Variants in JDP2 observed in about 807,000 individuals in gnomAD.
JDP2 encodes Jun dimerization protein 2.
In JDP2, 9 loss-of-function variants were observed where a neutral mutation model predicts 17.1. The ratio of observed to expected loss-of-function variants is 0.53; its 90% CI spans 0.32 to 0.92. The LOEUF (loss-of-function observed/expected upper bound fraction) is 0.92. JDP2 is among the 40% of genes least tolerant of loss of function. JDP2 has a pLI of 0.04. For missense variants in JDP2, 179 were observed against 220.0 expected (o/e 0.81, Z 1.18); for synonymous variants, 107 against 95.6 (o/e 1.12, Z -0.69).
chr14:75,441,144 A>AGAGAGAGC (rs1054103190), intron 2 of JDP2, among the ~76,000 whole-genome samples: 2 of 151,946 alleles, frequency 1.3e-5, no homozygotes, highest in African/African-American at 2.4e-5. Context: ...GGAGAGAGAG[A>AGAGAGAGC]GAGAGAGCGA....
chr14:75,437,172 CAAAA>C (rs11302124), intron 1 of JDP2, among the ~76,000 whole-genome samples: 15 of 97,978 alleles, frequency 1.5e-4, no homozygotes, highest in Non-Finnish European at 1.9e-4. Context: ...CCAGCCTGGG[CAAAA>C]AAAAAAAAAA....
rs1886776499 is a variant in JDP2, at chr14:75,470,445, TCTTA to T, written c.*976_*979del. On this transcript the variant is annotated 3_prime_UTR_variant, in exon 4 of 4. Coordinates refer to ENST00000651602, the MANE Select transcript of JDP2 (RefSeq NM_001135048.2). ...TCCTGTATCGCTCAGTAAACATTGC[TCTTA>T]CTTACATAGCCGCCTTGCGTGGTGT... 6.6e-6 allele frequency: 1 copy of T among 152,628 alleles called. No homozygotes were observed. The allele number at this position is 152,628 out of a possible 1,614,324, so 9.5% of individuals were successfully genotyped here.
intron 2 of JDP2, among the ~76,000 whole-genome samples, chr14:75,442,036 A>G (rs1259222863): frequency 4.0e-5 from 6 of 151,150 alleles, no homozygotes; most frequent in African/African-American, 9.7e-5. Flanking sequence ...CCCTCTCGCC[A>G]CGTCTCGGTG....
At position 75,471,123 on chromosome 14, in the gene JDP2, A is replaced by G. The variant is rs1886800866; in HGVS notation, c.*1648A>G. 1.3e-5 allele frequency: 2 copies of G among 152,306 alleles called. No homozygotes were observed. Among genetic ancestry groups the G allele is most frequent in the East Asian group, 1.9e-4 (1 of 5,186 alleles). The allele number at this position is 152,306 out of a possible 1,614,324, so 9.4% of individuals were successfully genotyped here. A position where few individuals can be genotyped will look rare whatever the true frequency, so the allele number is the denominator to read the frequency against. On this transcript the variant is annotated 3_prime_UTR_variant, in exon 4 of 4. Coordinates refer to ENST00000651602, the MANE Select transcript of JDP2 (RefSeq NM_001135048.2). Reference sequence around the variant, plus strand: ...ATGATTGTCCTCATGGTTGAATAGGAAGCTTATGAGGCCACAGTTATAGAT... The same window carrying G: ...ATGATTGTCCTCATGGTTGAATAGGGAGCTTATGAGGCCACAGTTATAGAT...
chr14:75,470,038 C>T lies in JDP2; in HGVS notation c.*563C>T, dbSNP rs1204927263. ...CTGCCCAGGAGGCGGCAGCCGGGCG[C>T]ACCCTCGCCAGCCCTGCTGGAGTTT... On this transcript the variant is annotated 3_prime_UTR_variant, in exon 4 of 4. Coordinates refer to ENST00000651602, the MANE Select transcript of JDP2 (RefSeq NM_001135048.2). The T allele has an allele frequency of 6.5e-5, 10 of 152,826 alleles. No individual in the cohort carries two copies. The highest frequency in any genetic ancestry group is 1.5e-5 in the Non-Finnish European group (1 of 68,186). The allele number at this position is 152,826 out of a possible 1,614,324, so 9.5% of individuals were successfully genotyped here.
chr14:75,454,772 G>A (rs1170038749), intron 2 of JDP2, among the ~76,000 whole-genome samples: 1 of 152,116 alleles, frequency 6.6e-6, no homozygotes, highest in Non-Finnish European at 1.5e-5. Flanking sequence ...GGAAGAACTT[G>A]TCGTTTTGAG....
chr14:75,427,047 T>C (rs1702579889), upstream of JDP2: 1 of 152,292 alleles, frequency 6.6e-6, no homozygotes, highest in Admixed American at 6.5e-5. This position sits in a 1 kb window ranked among gnomAD's most constrained non-coding sequence, Gnocchi z 4.4. Context: ...GAGGGCTCTG[T>C]GTCTCTGCCT....
chr14:75,473,825 C>T lies in JDP2; in HGVS notation c.*4350C>T, dbSNP rs1047318053. ...ATCTGGGTAATAGAGGTATAAAAGC[C>T]TGCACAAGAATGCTGTCAATATCAC... On this transcript the variant is annotated 3_prime_UTR_variant, in exon 4 of 4. Transcript: ENST00000651602. 6.6e-6 allele frequency: 1 copy of T among 152,192 alleles called. No homozygotes were observed. The highest frequency in any genetic ancestry group is 1.9e-4 in the East Asian group (1 of 5,192). 9.4% of individuals were successfully genotyped at this position (152,192 alleles called of 1,614,324 possible).
chr14:75,461,856 G>T (rs1412998445), intron 3 of JDP2, among the ~76,000 whole-genome samples: 1 of 152,196 alleles, frequency 6.6e-6, no homozygotes, highest in Admixed American at 6.5e-5. Flanking sequence ...ATCTATTTTG[G>T]TTCCCTGGTG....
chr14:75,438,169 C>A, intron 2 of JDP2, 48 bp downstream of exon 2: 1 of 1,417,020 alleles, frequency 7.1e-7, no homozygotes, highest in Non-Finnish European at 9.7e-7. Flanking sequence ...GGCCTTAAAC[C>A]CACCATGGGA....
intron 3 of JDP2, among the ~76,000 whole-genome samples, chr14:75,467,605 C>T (rs918367889): frequency 6.6e-6 from 1 of 152,068 alleles, no homozygotes; most frequent in Non-Finnish European, 1.5e-5. Flanking sequence ...CTGGGGAGAC[C>T]GTGATGGTCA....
chr14:75,445,759 T>C (rs891347393), intron 2 of JDP2: 23 of 222,356 alleles, frequency 1.0e-4, no homozygotes, highest in Middle Eastern at 2.3e-3. Context: ...GATTAGGTAG[T>C]GGTTTCTTAG....
intron 2 of JDP2, among the ~76,000 whole-genome samples, chr14:75,450,247 C>T (rs1381435747): frequency 1.3e-5 from 2 of 152,174 alleles, no homozygotes; most frequent in African/African-American, 2.4e-5. Flanking sequence ...TGTCCCCTGC[C>T]TCTTCCCAGA....
intron 2 of JDP2, 104 bp from the exon 3 acceptor site, chr14:75,461,322 A>G (rs889231505): frequency 5.1e-6 from 4 of 789,604 alleles, no homozygotes; most frequent in South Asian, 4.5e-5. Context: ...CACTGCCGAG[A>G]TGTGGGTTAG....
intron 2 of JDP2, 37 bp from the exon 3 acceptor site, chr14:75,461,389 G>A (rs1427622573): frequency 1.3e-6 from 2 of 1,494,770 alleles, no homozygotes; most frequent in Admixed American, 1.9e-5. Context: ...CTCCAAGCCT[G>A]CCTCAGTGTC....
At chr14:75,466,300 G>A (rs1042106927) in intron 3 of JDP2, among the ~76,000 whole-genome samples, 12 of 152,180 alleles carry the variant, frequency 7.9e-5, no homozygotes, top group African/African-American at 2.9e-4. Flanking sequence ...AATTAGCCAG[G>A]CGTGGTGGCA....
At chr14:75,452,474 C>T (rs1885907229) in intron 2 of JDP2, among the ~76,000 whole-genome samples, 2 of 152,138 alleles carry the variant, frequency 1.3e-5, no homozygotes, top group Admixed American at 1.3e-4. Flanking sequence ...ACTGTGGTGA[C>T]CAGAGCCCAG....
At chr14:75,429,633 G>A (rs1406447793) in intron 1 of JDP2, among the ~76,000 whole-genome samples, 4 of 152,202 alleles carry the variant, frequency 2.6e-5, no homozygotes, top group African/African-American at 9.7e-5. Flanking sequence ...TTCCTTTGCA[G>A]GTTTCTAGGG....
chr14:75,468,334 A>G (rs1282722358), intron 3 of JDP2, among the ~76,000 whole-genome samples: 4 of 152,090 alleles, frequency 2.6e-5, no homozygotes, highest in Non-Finnish European at 2.9e-5. Flanking sequence ...GACATTGCCA[A>G]ATGTCTCCTG....
Sources: allele counts gnomAD v4.1 joint callset (sites outside exome capture counted in the v4.1 genomes callset), GRCh38; gene constraint gnomAD v4.1.1; non-coding constraint Gnocchi (gnomAD v3.1); transcripts MANE v1.5; gene names NCBI Gene and HGNC (gene_info 2026-07-23, HGNC 2026-07-21).